Variants in CEP350 observed in about 807,000 individuals in gnomAD.
CEP350 encodes centrosomal protein 350.
In CEP350, 126 loss-of-function variants were observed where a neutral mutation model predicts 331.8. The ratio of observed to expected loss-of-function variants is 0.38; its 90% CI spans 0.33 to 0.44. CEP350 has a LOEUF of 0.44. Among genes scored for constraint, CEP350 ranks in the 20% least tolerant of loss-of-function variants. The probability of loss-of-function intolerance (pLI) is 1.00; values close to 1 mark genes in which losing one functional copy is unlikely to be tolerated. For synonymous variants in CEP350, 1,200 were observed against 1,259.5 expected (o/e 0.95, Z 1.00); for missense variants, 3,406 against 3,634.6 (o/e 0.94, Z 1.62).
chr1:179,996,002 G>A (rs2477106), intron 5 of CEP350, among the ~76,000 whole-genome samples: 122,912 of 152,122 alleles, frequency 0.81, 49,991 homozygotes, highest in Admixed American at 0.87. Flanking sequence ...CAAATAACAC[G>A]TTTTATTGAC....
chr1:180,073,717 C>T (rs1038283034), intron 27 of CEP350: 12 of 1,213,640 alleles, frequency 9.9e-6, no homozygotes, highest in Admixed American at 2.5e-5. Flanking sequence ...TCAGCTCTTA[C>T]GCTTTCCCTT....
chr1:180,004,898 G>GCTTCCTTT (rs1491096254), intron 7 of CEP350, among the ~76,000 whole-genome samples: 5 of 121,410 alleles, frequency 4.1e-5, no homozygotes, highest in African/African-American at 1.8e-4. Context: ...TTGCTTGCTT[G>GCTTCCTTT]CTTGCTTGCT....
At position 179,990,720 on chromosome 1, in the gene CEP350, A is replaced by G. The variant is rs1652992350; in HGVS notation, c.235+99A>G. On this transcript the variant is annotated intron_variant, in intron 4 of 37. Coordinates refer to ENST00000367607, the MANE Select transcript of CEP350 (RefSeq NM_014810.5). ...CAGGGGTGTGCCACCACACCTGGCT[A>G]ATCTTTTTTTATCTTTTGTAGAGAC... 3 of 578,694 alleles carry G rather than the reference A, an allele frequency of 5.2e-6. No homozygotes were observed. The East Asian group carries it at 9.0e-5, about 17-fold the overall frequency. The allele number at this position is 578,694 out of a possible 1,614,324, so 35.8% of individuals were successfully genotyped here.
intron 17 of CEP350, among the ~76,000 whole-genome samples, chr1:180,039,573 T>C (rs1656615746): frequency 6.6e-6 from 1 of 152,290 alleles, no homozygotes; most frequent in South Asian, 2.1e-4. Flanking sequence ...GATTAAGTGA[T>C]CAATTATGTG....
rs1656784928 is a variant in CEP350 at position 180,041,921 on chromosome 1, T to C, written c.4362+119T>C. 5.6e-6 allele frequency: 5 copies of C among 895,062 alleles called. No homozygotes were observed. The South Asian group carries it at 7.0e-5, about 13-fold the overall frequency. The allele number at this position is 895,062 out of a possible 1,614,324, so 55.4% of individuals were successfully genotyped here. A position where few individuals can be genotyped will look rare whatever the true frequency, so the allele number is the denominator to read the frequency against. On this transcript the variant is annotated intron_variant, in intron 19 of 37. Transcript: ENST00000367607. ...ATGCATACTTTGAATTAGTGACTTTTAGTGGGGGCCATACCCTATTGAAAT... is the reference window on the plus strand; with the variant it reads ...ATGCATACTTTGAATTAGTGACTTTCAGTGGGGGCCATACCCTATTGAAAT...
chr1:179,966,376 A>G (rs1481559426), intron 1 of CEP350, among the ~76,000 whole-genome samples: 1 of 152,110 alleles, frequency 6.6e-6, no homozygotes, highest in East Asian at 1.9e-4. Context: ...ATTTTAAATT[A>G]CCTTTAGTAA....
At chr1:179,980,516 A>G (rs1652194562) in intron 1 of CEP350, among the ~76,000 whole-genome samples, 1 of 151,920 alleles carries the variant, frequency 6.6e-6, no homozygotes, top group South Asian at 2.1e-4. Flanking sequence ...CTCCTTTGCA[A>G]TTTGGATGCC....
At chr1:179,982,517 T>C (rs1299866095) in intron 1 of CEP350, among the ~76,000 whole-genome samples, 1 of 152,216 alleles carries the variant, frequency 6.6e-6, no homozygotes, top group Non-Finnish European at 1.5e-5. Context: ...AAATTTTCTC[T>C]TGTTTATTCA....
At position 180,045,126 on chromosome 1, in the gene CEP350, G is replaced by A. The variant is rs188388192; in HGVS notation, c.4622+953G>A. Among the ~76,000 whole-genome samples, 36 of 152,288 alleles carry A rather than the reference G, an allele frequency of 2.4e-4. No homozygotes were observed. The East Asian group carries it at 6.6e-3, about 28-fold the overall frequency. The stretch of plus-strand genomic sequence containing the variant: ...GGAGGCCGAGGTGGGAAGATCACCT[G>A]AGGTTAGGAGTTCAAGACCAGCCTG... On this transcript the variant is annotated intron_variant, in intron 21 of 37. Coordinates refer to ENST00000367607, the MANE Select transcript of CEP350 (RefSeq NM_014810.5).
intron 12 of CEP350, among the ~76,000 whole-genome samples, chr1:180,022,094 G>GA (rs1655360356): frequency 6.6e-6 from 1 of 152,012 alleles, no homozygotes; most frequent in Non-Finnish European, 1.5e-5. Context: ...CTTTTTCCTA[G>GA]AATTCATATT....
At chr1:179,983,040 C>T (rs561157998) in intron 1 of CEP350, among the ~76,000 whole-genome samples, 194 of 152,172 alleles carry the variant, frequency 1.3e-3, no homozygotes, top group African/African-American at 4.4e-3. Flanking sequence ...CCACCTCCTG[C>T]GGCCTCCCAA....
intron 17 of CEP350, among the ~76,000 whole-genome samples, chr1:180,040,140 C>G (rs1188502105): frequency 6.6e-6 from 1 of 151,878 alleles, no homozygotes; most frequent in African/African-American, 2.4e-5. Context: ...TCCTGCCCTC[C>G]CCCCGCCACT....
At chr1:180,060,272 G>A (rs570441920) in intron 25 of CEP350, among the ~76,000 whole-genome samples, 1 of 152,290 alleles carries the variant, frequency 6.6e-6, no homozygotes, top group African/African-American at 2.4e-5. Flanking sequence ...ATTTATAAAT[G>A]TGCCCAAGAA....
chr1:179,958,329 A>C (rs1650328965), intron 1 of CEP350, among the ~76,000 whole-genome samples: 2 of 152,186 alleles, frequency 1.3e-5, no homozygotes, highest in African/African-American at 4.8e-5. Flanking sequence ...TTCCTGCTTA[A>C]AATTTATGTT....
chr1:179,958,892 T>C (rs1650371585), intron 1 of CEP350, among the ~76,000 whole-genome samples: 1 of 152,238 alleles, frequency 6.6e-6, no homozygotes, highest in East Asian at 1.9e-4. Context: ...GTTTTCATTT[T>C]GCATGTGAAT....
rs1034806280 is a variant in CEP350 at position 180,099,898 on chromosome 1, GCCTCAACCT to G, written c.9189+916_9189+924del. Among the ~76,000 whole-genome samples the G allele has an allele frequency of 6.7e-5, 10 of 149,978 alleles. No homozygotes were observed. In the East Asian group the frequency reaches 1.8e-3, roughly 27 times the overall value. On this transcript the variant is annotated intron_variant, in intron 37 of 37. Coordinates refer to ENST00000367607, the MANE Select transcript of CEP350 (RefSeq NM_014810.5). Reference sequence around the variant, plus strand: ...CCTCCCAGGTTCAAGTGATTCTCATGCCTCAACCTCCCGAGTAGCTGGGATTACAGGCAC... The same window carrying G: ...CCTCCCAGGTTCAAGTGATTCTCATGCCCGAGTAGCTGGGATTACAGGCAC...
At position 180,111,022 on chromosome 1, in the gene CEP350, C is replaced by T; in HGVS notation, c.9215C>T (p.Ala3072Val). 6.2e-7 allele frequency: 1 copy of T among 1,613,892 alleles called. No individual in the cohort carries two copies. Among genetic ancestry groups the T allele is most frequent in the Admixed American group, 1.7e-5 (1 of 59,994 alleles). Reference protein sequence around the residue: ...ILVQELHEEEAQWVNYDEDEL... With the variant: ...ILVQELHEEEVQWVNYDEDEL... ...GTTCAGGAGCTCCATGAGGAGGAGG[C>T]ACAGTGGGTGAACTATGATGAGGAT... Residue 3072 changes from alanine (A) to valine (V), a missense_variant, in exon 38 of 38, where the codon GCA becomes GTA. By Grantham distance (64) the Ala-to-Val change is moderately conservative. Around this residue, in one of 5 missense-constraint regions of CEP350, gnomAD observed 1,415 missense variants for 1,512.3 expected, o/e 0.94. Coordinates refer to ENST00000367607, the MANE Select transcript of CEP350 (RefSeq NM_014810.5).
intron 1 of CEP350, among the ~76,000 whole-genome samples, chr1:179,970,904 T>A (rs1651397505): frequency 6.6e-6 from 1 of 152,252 alleles, no homozygotes; most frequent in Admixed American, 6.5e-5. Context: ...CTCAAAAAGA[T>A]TTTGTTCATG....
rs369179604 is a variant in CEP350 at position 180,092,236 on chromosome 1, T to C, written c.6509-378T>C. Reference sequence around the variant, plus strand: ...AAATGTATTCTTTTAGAAGTATATATGGAAGTCTGTTTCTCCTTCACTAGT... The same window carrying C: ...AAATGTATTCTTTTAGAAGTATATACGGAAGTCTGTTTCTCCTTCACTAGT... On this transcript the variant is annotated intron_variant, in intron 33 of 37. Coordinates refer to ENST00000367607, the MANE Select transcript of CEP350 (RefSeq NM_014810.5). Among the ~76,000 whole-genome samples the C allele has an allele frequency of 3.3e-5, 5 of 152,348 alleles. No homozygotes were observed. The East Asian group carries it at 9.6e-4, about 29-fold the overall frequency.
Sources: allele counts gnomAD v4.1 joint callset (sites outside exome capture counted in the v4.1 genomes callset), GRCh38; gene constraint gnomAD v4.1.1; regional missense constraint gnomAD v4.1.1; transcripts MANE v1.5; gene names NCBI Gene and HGNC (gene_info 2026-07-23, HGNC 2026-07-21).